Variants in PKD1L1 observed in about 807,000 individuals in gnomAD.
PKD1L1 encodes the protein polycystin 1 like 1, transient receptor potential channel interacting, also known as polycystin-1-like protein 1.
A neutral mutation model predicts 323.4 loss-of-function variants in PKD1L1; 236 were observed. The ratio of observed to expected loss-of-function variants is 0.73; its 90% confidence interval spans 0.66 to 0.81. The LOEUF is 0.81. Ranked by LOEUF, PKD1L1 falls within the 40% of genes least tolerant of loss-of-function variation. The pLI, the probability that PKD1L1 is intolerant of heterozygous loss-of-function variation, is 0.00. For synonymous variants in PKD1L1, 1,344 were observed against 1,335.0 expected (o/e 1.01, Z -0.15); for missense variants, 3,320 against 3,508.0 (o/e 0.95, Z 1.35).
chr7:47,956,212 C>T, the PKD1L1 span, among the ~76,000 whole-genome samples: 49 of 152,290 alleles, frequency 3.2e-4, no homozygotes, highest in Non-Finnish European at 5.9e-4. Context: ...ACACCTCTCC[C>T]GCAAGCCCAC....
intron 43 of PKD1L1, 71 bp downstream of exon 43, chr7:47,829,969 C>G (rs151113683): frequency 0.01 from 14,155 of 1,396,076 alleles, 95 homozygotes; most frequent in Non-Finnish European, 0.012. Flanking sequence ...CAAAATGAAG[C>G]CTCTATTTCC....
intron 3 of PKD1L1, 55 bp from the exon 4 acceptor site, chr7:47,937,013 C>A (rs781537134): frequency 5.3e-5 from 73 of 1,373,578 alleles, no homozygotes; most frequent in Non-Finnish European, 6.4e-5. Flanking sequence ...AAACCCAGTA[C>A]ATTTGGGAAA....
chr7:47,926,759 T>C (rs1787663233), intron 7 of PKD1L1, among the ~76,000 whole-genome samples: 1 of 151,972 alleles, frequency 6.6e-6, no homozygotes, highest in South Asian at 2.1e-4. Flanking sequence ...GAAACCAGCA[T>C]TGGTAGAGGC....
chr7:47,883,214 A>G (rs1786603645), intron 19 of PKD1L1, among the ~76,000 whole-genome samples: 1 of 152,178 alleles, frequency 6.6e-6, no homozygotes, highest in Admixed American at 6.5e-5. Context: ...ACAAAATGAA[A>G]CAAAAGCGTT....
Position 47,884,644 on chromosome 7 carries a change from A to G in PKD1L1, c.3219T>C (p.Tyr1073=). The G allele has an allele frequency of 5.0e-6, 8 of 1,613,748 alleles. No homozygotes were observed. The highest frequency in any genetic ancestry group is 6.8e-6 in the Non-Finnish European group (8 of 1,179,646). The change falls in exon 19 of 57, where the codon TAT becomes TAC. Residue 1073 remains tyrosine (Y), a synonymous_variant. Transcript: ENST00000289672. ...GTATTGCTTCTTGAATGTCACTGTAATAGGCTTCAAAATCTATAAGAAAGG... is the reference window on the plus strand; with the variant it reads ...GTATTGCTTCTTGAATGTCACTGTAGTAGGCTTCAAAATCTATAAGAAAGG... ...PDPHLSDFEA[Y]YSDIQEAIPS... is the part of the protein sequence containing the mutation.
intron 56 of PKD1L1, among the ~76,000 whole-genome samples, chr7:47,790,153 T>C (rs1238189683): frequency 6.6e-6 from 1 of 151,904 alleles, no homozygotes; most frequent in Non-Finnish European, 1.5e-5. Context: ...CCTCCCGAAG[T>C]GCTATGATTA....
At chr7:47,825,484 T>C (rs565313137) in intron 45 of PKD1L1, among the ~76,000 whole-genome samples, 37 of 151,674 alleles carry the variant, frequency 2.4e-4, no homozygotes, top group Middle Eastern at 6.8e-3. Context: ...TGAGTTGAGA[T>C]TGAGCCACTG....
At chr7:47,831,684 G>C (rs1245996898) in intron 41 of PKD1L1, among the ~76,000 whole-genome samples, 2 of 152,178 alleles carry the variant, frequency 1.3e-5, no homozygotes, top group Non-Finnish European at 2.9e-5. Context: ...AAGGGTCTGG[G>C]GTCAGGATGG....
chr7:47,805,203 A>G (rs1042806555), intron 52 of PKD1L1, among the ~76,000 whole-genome samples: 2 of 152,330 alleles, frequency 1.3e-5, no homozygotes, highest in South Asian at 2.1e-4. Context: ...AACTTGCCCA[A>G]TGGCACATGG....
At chr7:47,854,715 C>T (rs1785857902) in intron 30 of PKD1L1, among the ~76,000 whole-genome samples, 167 bp downstream of exon 30, 1 of 152,198 alleles carries the variant, frequency 6.6e-6, no homozygotes, top group Non-Finnish European at 1.5e-5. Context: ...AAACCAAAGT[C>T]AGGAAGCTTA....
chr7:47,864,557 T>C (rs1226180223), intron 26 of PKD1L1, among the ~76,000 whole-genome samples: 1 of 151,804 alleles, frequency 6.6e-6, no homozygotes, highest in East Asian at 1.9e-4. Context: ...CCTTTCTTCC[T>C]TCTTTTTCTT....
At chr7:47,829,083 TG>T (rs1186265635) in intron 44 of PKD1L1, among the ~76,000 whole-genome samples, 2 of 151,934 alleles carry the variant, frequency 1.3e-5, no homozygotes, top group Admixed American at 1.3e-4. Context: ...AGAGGAAGGA[TG>T]GGGAGGAGTA....
rs541014084 is a variant in PKD1L1, at chr7:47,912,649, C to T, written c.1228+2783G>A. On this transcript the variant is annotated intron_variant, in intron 8 of 56. Coordinates refer to ENST00000289672, the MANE Select transcript of PKD1L1 (RefSeq NM_138295.5). ...TGGCCTTCATGGTGAAATGCCATCT[C>T]TACTAAAAATACAAAAATCAGCCAG... Among the ~76,000 whole-genome samples the T allele has an allele frequency of 4.0e-5, 6 of 151,760 alleles. No homozygotes were observed. The East Asian group carries it at 1.2e-3, about 29-fold the overall frequency.
intron 52 of PKD1L1, 33 bp from the exon 53 acceptor site, chr7:47,803,377 A>G (rs755438540): frequency 6.2e-7 from 1 of 1,611,044 alleles, no homozygotes; most frequent in Non-Finnish European, 8.5e-7. Flanking sequence ...TCAGTGTGCC[A>G]TGCCAGTCAC....
the PKD1L1 span, among the ~76,000 whole-genome samples, chr7:47,955,321 G>A: frequency 2.6e-5 from 4 of 152,286 alleles, no homozygotes; most frequent in East Asian, 1.9e-4. Flanking sequence ...TGTAATTGCC[G>A]AGTGAATGTG....
intron 7 of PKD1L1, among the ~76,000 whole-genome samples, chr7:47,926,290 T>C (rs956553322): frequency 3.3e-5 from 5 of 152,260 alleles, no homozygotes; most frequent in Admixed American, 2.0e-4. Context: ...GGTCTTTAGG[T>C]AATAACTTAA....
chr7:47,898,185 AC>A lies in PKD1L1; in HGVS notation c.2073del (p.Arg691SerfsTer5). The A allele has an allele frequency of 6.2e-7, 1 of 1,613,516 alleles. No individual in the cohort carries two copies. Among genetic ancestry groups the A allele is most frequent in the Non-Finnish European group, 8.5e-7 (1 of 1,179,542 alleles). Reference protein sequence around the residue: ...NMGPGKVQIWRSQPVRLGVTF... With the variant: ...NMGPGKVQIWXSQPVRLGVTF... ...GTCACTCCCAGCCTCACAGGCTGAG[AC>A]CTCCATATCTAAGTATCAAGAAGAG... On this transcript the variant is annotated frameshift_variant, in exon 14 of 57. Coordinates refer to ENST00000289672, the MANE Select transcript of PKD1L1 (RefSeq NM_138295.5). LOFTEE classifies it high-confidence loss of function.
intron 34 of PKD1L1, 62 bp downstream of exon 34, chr7:47,842,900 T>G: frequency 6.8e-7 from 1 of 1,469,514 alleles, no homozygotes; most frequent in East Asian, 2.3e-5. Context: ...CACCAAATCC[T>G]CACTTCTGAT....
chr7:47,823,817 G>A (rs1583597740), intron 45 of PKD1L1, among the ~76,000 whole-genome samples: 1 of 152,182 alleles, frequency 6.6e-6, no homozygotes, highest in East Asian at 1.9e-4. Context: ...TGGTTTCCCA[G>A]GGGTATGGTC....
Sources: allele counts gnomAD v4.1 joint callset (sites outside exome capture counted in the v4.1 genomes callset), GRCh38; gene constraint gnomAD v4.1.1; transcripts MANE v1.5; gene names NCBI Gene and HGNC (gene_info 2026-07-23, HGNC 2026-07-21).